The following PCLO variants were observed in gnomAD, a reference collection of about 807,000 sequenced individuals.
The protein encoded by PCLO is piccolo presynaptic cytomatrix protein, also known as protein piccolo.
Under a neutral mutation model 427.5 loss-of-function variants are expected in PCLO, and 82 were observed. That is an observed-to-expected ratio of 0.19 (90% CI 0.16 to 0.23). PCLO has a LOEUF of 0.23. PCLO is among the 10% of genes least tolerant of loss of function. The probability of loss-of-function intolerance (pLI) is 1.00; values close to 1 mark genes in which losing one functional copy is unlikely to be tolerated. For missense variants in PCLO, 6,239 were observed against 6,115.9 expected, an observed-to-expected ratio of 1.02 and a Z score of -0.67; for synonymous variants, 2,357 against 2,155.4, an observed-to-expected ratio of 1.09 and a Z score of -2.59.
chr7:82,928,139 C>T lies in PCLO; in HGVS notation c.11113-11266G>A, dbSNP rs531180463. Reference sequence around the variant, plus strand: ...ACATATACAATTTATAATTTAGAATCGCATTATTGAATAATATAGACAGGT... The same window carrying T: ...ACATATACAATTTATAATTTAGAATTGCATTATTGAATAATATAGACAGGT... On this transcript the variant is annotated intron_variant, in intron 6 of 24. Transcript: ENST00000333891. Among the ~76,000 whole-genome samples, 6 of 152,214 alleles carry T rather than the reference C, an allele frequency of 3.9e-5. No individual in the cohort carries two copies. In the South Asian group the frequency reaches 1.0e-3, roughly 26 times the overall value.
At chr7:82,806,198 AT>A (rs1791454294) in intron 20 of PCLO, among the ~76,000 whole-genome samples, 1 of 152,182 alleles carries the variant, frequency 6.6e-6, no homozygotes, top group Non-Finnish European at 1.5e-5. Flanking sequence ...GGAGAAAAGA[AT>A]TTAGAAAGAC....
intron 3 of PCLO, among the ~76,000 whole-genome samples, chr7:83,026,272 A>G (rs1788494452): frequency 6.6e-6 from 1 of 152,168 alleles, no homozygotes; most frequent in Non-Finnish European, 1.5e-5. Flanking sequence ...CCACCAAGCA[A>G]ATGGAAAACA....
chr7:83,078,656 C>T (rs1790018557), intron 3 of PCLO, among the ~76,000 whole-genome samples: 1 of 151,840 alleles, frequency 6.6e-6, no homozygotes, highest in Non-Finnish European at 1.5e-5. Context: ...CTCAGCCTCC[C>T]GAGTAGCTGG....
chr7:82,978,998 C>T (rs1796088550), intron 3 of PCLO, among the ~76,000 whole-genome samples: 1 of 151,762 alleles, frequency 6.6e-6, no homozygotes, highest in Non-Finnish European at 1.5e-5. Flanking sequence ...AGATAAATAT[C>T]AGTTATAGAA....
At chr7:83,069,799 C>CCCCCCCCCCCCCCCACA (rs1554390635) in intron 3 of PCLO, among the ~76,000 whole-genome samples, 1 of 75,516 alleles carries the variant, frequency 1.3e-5, no homozygotes, top group Admixed American at 1.8e-4. Flanking sequence ...ACCCCCCCGC[C>CCCCCCCCCCCCCCCACA]CACACACACA....
chr7:82,914,791 G>A lies in PCLO; in HGVS notation c.13195C>T (p.Pro4399Ser). 1 of 1,613,388 alleles carries A rather than the reference G, an allele frequency of 6.2e-7. No individual in the cohort carries two copies. Among genetic ancestry groups the A allele is most frequent in the Non-Finnish European group, 8.5e-7 (1 of 1,179,656 alleles). ...RDQFGSSHSL[P>S]EVQQHMREES... is the part of the protein sequence containing the mutation. ...TCCCTCATGTGTTGCTGAACTTCAGGCAATGAGTGGCTTGATCCAAACTGA... is the reference window on the plus strand; with the variant it reads ...TCCCTCATGTGTTGCTGAACTTCAGACAATGAGTGGCTTGATCCAAACTGA... Residue 4399 changes from proline (P) to serine (S), a missense_variant, in exon 7 of 25, where the codon CCT becomes TCT. Pro to Ser is a moderately conservative substitution (Grantham distance 74, BLOSUM62 -1). This residue lies in a region of PCLO where 877 missense variants were observed against 925.5 expected (regional missense o/e 0.95). Transcript: ENST00000333891.
chr7:83,154,710 G>T, intron 2 of PCLO, 38 bp downstream of exon 2: 2 of 1,419,612 alleles, frequency 1.4e-6, no homozygotes, highest in Non-Finnish European at 2.0e-6. Context: ...AGGATGATAT[G>T]GCTGAAGAGT....
chr7:82,971,633 T>A (rs773241566), intron 3 of PCLO, among the ~76,000 whole-genome samples: 5 of 147,890 alleles, frequency 3.4e-5, no homozygotes, highest in Non-Finnish European at 7.5e-5. Flanking sequence ...ATATATATGA[T>A]AAAATTTCAT....
intron 6 of PCLO, among the ~76,000 whole-genome samples, chr7:82,941,722 AG>A (rs1795090220): frequency 6.6e-6 from 1 of 152,222 alleles, no homozygotes; most frequent in African/African-American, 2.4e-5. Context: ...AACAAGTATT[AG>A]AATTGTGATG....
chr7:82,870,472 C>G (rs1793206460), intron 10 of PCLO, among the ~76,000 whole-genome samples: 1 of 151,846 alleles, frequency 6.6e-6, no homozygotes, highest in Non-Finnish European at 1.5e-5. Context: ...AAGACCTGAG[C>G]TTATGAAACT....
intron 10 of PCLO, among the ~76,000 whole-genome samples, chr7:82,871,200 A>C (rs1793228794): frequency 6.6e-6 from 1 of 152,006 alleles, no homozygotes; most frequent in South Asian, 2.1e-4. Context: ...AAGAGATGGA[A>C]TCAAACTGTG....
chr7:82,946,697 G>A (rs1433552183), intron 6 of PCLO, among the ~76,000 whole-genome samples: 4 of 152,114 alleles, frequency 2.6e-5, no homozygotes, highest in African/African-American at 9.7e-5. Flanking sequence ...TCTGGAGAGT[G>A]ATCAATGAGG....
At chr7:82,935,445 T>C (rs1160929063) in intron 6 of PCLO, among the ~76,000 whole-genome samples, 1 of 151,372 alleles carries the variant, frequency 6.6e-6, no homozygotes, top group Non-Finnish European at 1.5e-5. Flanking sequence ...AAATACCTGT[T>C]ATTATAATTA....
chr7:82,889,644 T>A (rs1443259937), intron 9 of PCLO, among the ~76,000 whole-genome samples: 2 of 152,162 alleles, frequency 1.3e-5, no homozygotes, highest in Non-Finnish European at 2.9e-5. Context: ...TGTAAGGGAA[T>A]AATAAACATT....
chr7:82,939,498 A>C (rs911811731), intron 6 of PCLO, among the ~76,000 whole-genome samples: 1 of 151,808 alleles, frequency 6.6e-6, no homozygotes, highest in African/African-American at 2.4e-5. Flanking sequence ...CAACCTTGGA[A>C]TATGACATTA....
rs1794303852 is a variant in PCLO, at chr7:82,910,828, A to G, written c.13301-1815T>C. On this transcript the variant is annotated intron_variant, in intron 7 of 24. Coordinates refer to ENST00000333891, the MANE Select transcript of PCLO (RefSeq NM_033026.6). Reference sequence around the variant, plus strand: ...AGAAATTTAGTGTAATAGACATTTGACAAGGAAATACAAAACAAATTCATT... The same window carrying G: ...AGAAATTTAGTGTAATAGACATTTGGCAAGGAAATACAAAACAAATTCATT... Among the ~76,000 whole-genome samples, 4 of 152,268 alleles carry G rather than the reference A, an allele frequency of 2.6e-5. No homozygotes were observed. The South Asian group carries it at 8.3e-4, about 32-fold the overall frequency.
At chr7:82,980,879 G>A (rs1796133185) in intron 3 of PCLO, among the ~76,000 whole-genome samples, 1 of 152,104 alleles carries the variant, frequency 6.6e-6, no homozygotes, top group African/African-American at 2.4e-5. Flanking sequence ...CTGTAGATGT[G>A]CTTATCTTAT....
At chr7:82,949,274 C>A (rs1323546662) in intron 6 of PCLO, among the ~76,000 whole-genome samples, 1 of 151,684 alleles carries the variant, frequency 6.6e-6, no homozygotes, top group Non-Finnish European at 1.5e-5. Flanking sequence ...CACACACACA[C>A]AAGCGCACAC....
intron 6 of PCLO, among the ~76,000 whole-genome samples, chr7:82,935,369 A>G (rs1263426036): frequency 6.6e-6 from 1 of 151,544 alleles, no homozygotes; most frequent in East Asian, 1.9e-4. Context: ...GGTTTGCTGC[A>G]AAGATAAAAT....
Sources: gnomAD v4.1 joint callset for allele counts (sites outside exome capture counted in the v4.1 genomes callset) on GRCh38, gnomAD v4.1.1 for gene constraint, gnomAD v4.1.1 regional missense constraint, MANE v1.5 for transcripts, NCBI Gene and HGNC (gene_info 2026-07-23, HGNC 2026-07-21) for gene names.